The following PLIN2 variants were observed in gnomAD, a reference collection of about 807,000 sequenced individuals.
PLIN2 encodes perilipin-2.
PLIN2 carries 33 observed loss-of-function variants against 30.6 expected under a neutral mutation model. The ratio of observed to expected loss-of-function variants is 1.08; its 90% CI spans 0.82 to 1.44. PLIN2 has a LOEUF of 1.44. Ranked by LOEUF, PLIN2 falls within the 40% of genes most tolerant of loss-of-function variation. The pLI, the probability that PLIN2 is intolerant of heterozygous loss-of-function variation, is 0.00. For synonymous variants in PLIN2, 205 were observed against 201.1 expected, an observed-to-expected ratio of 1.02 and a Z score of -0.16; for missense variants, 610 against 531.8, an observed-to-expected ratio of 1.15 and a Z score of -1.45.
rs1818123464 is a variant in PLIN2, at chr9:19,108,771, T to C, written n.418-24A>G. On this transcript the variant is annotated intron_variant and non_coding_transcript_variant, in intron 2 of 2. Coordinates refer to the PLIN2 transcript ENST00000464326. ...ACCTGTAAAAGAAGAATCTTGGATATTGAAACAAACACCGATGAAGTGAGT... is the reference window on the plus strand; with the variant it reads ...ACCTGTAAAAGAAGAATCTTGGATACTGAAACAAACACCGATGAAGTGAGT... 1.3e-5 allele frequency: 2 copies of C among 152,630 alleles called. 1 individual carries two copies. Among genetic ancestry groups the C allele is most frequent in the Admixed American group, 1.3e-4 (2 of 15,258 alleles). The allele number at this position is 152,630 out of a possible 1,614,324, so 9.5% of individuals were successfully genotyped here.
rs1241586885 is a variant in PLIN2 at position 19,126,226 on chromosome 9, G to C, written c.114C>G (p.Asp38Glu). ...ACACAGACTTCAGGTAGGGATACTGGTCCTTTGTACTGAGATAGGCTGAGG... is the reference window on the plus strand; with the variant it reads ...ACACAGACTTCAGGTAGGGATACTGCTCCTTTGTACTGAGATAGGCTGAGG... ...LMSSAYLSTKDQYPYLKSVCE... is the reference protein window; with the variant it reads ...LMSSAYLSTKEQYPYLKSVCE... Residue 38 changes from aspartate to glutamate, a missense_variant, in exon 3 of 8, where the codon GAC becomes GAG. Physicochemically the swap from Asp to Glu is conservative, Grantham distance 45. Coordinates refer to ENST00000276914, the MANE Select transcript of PLIN2 (RefSeq NM_001122.4). 1.9e-6 allele frequency: 3 copies of C among 1,614,006 alleles called. No homozygotes were observed. Among genetic ancestry groups the C allele is most frequent in the Admixed American group, 3.3e-5 (2 of 60,000 alleles).
At chr9:19,126,065 T>C (rs1490012545) in intron 3 of PLIN2, 49 bp downstream of exon 3, 2 of 1,506,086 alleles carry the variant, frequency 1.3e-6, no homozygotes, top group Admixed American at 1.7e-5. Flanking sequence ...GCTCAGGGGC[T>C]CGCCACTGAC....
At chr9:19,116,723 G>A in intron 7 of PLIN2, 74 bp from the exon 8 acceptor site, 1 of 1,262,594 alleles carries the variant, frequency 7.9e-7, no homozygotes, top group Non-Finnish European at 1.1e-6. Context: ...CAGTAGGCTG[G>A]TTATGTGTCC....
At chr9:19,114,058 C>T (rs563213635), downstream of PLIN2, among the ~76,000 whole-genome samples, 3 of 151,824 alleles carry the variant, frequency 2.0e-5, no homozygotes, top group Admixed American at 2.0e-4. Context: ...GATTACAGGC[C>T]GTGAGCTACC....
At chr9:19,110,058 C>T (rs559520240) in intron 2 of PLIN2, among the ~76,000 whole-genome samples, 21 of 152,114 alleles carry the variant, frequency 1.4e-4, no homozygotes, top group African/African-American at 4.1e-4. Flanking sequence ...GAGTTTCACT[C>T]TCTCCCCCAG....
At chr9:19,117,765 G>A (rs946267468) in intron 7 of PLIN2, among the ~76,000 whole-genome samples, 4 of 151,770 alleles carry the variant, frequency 2.6e-5, no homozygotes, top group South Asian at 2.1e-4. Flanking sequence ...CTACAGGCAC[G>A]TGCCACCATG....
chr9:19,126,374 C>T lies in PLIN2; in HGVS notation c.30+23G>A, dbSNP rs151198176. 219 of 1,613,976 alleles carry T rather than the reference C, an allele frequency of 1.4e-4. No homozygotes were observed. The African/African-American group carries it at 2.6e-3, about 19-fold the overall frequency. ...AAAACACAAAAGGAGAGAAAGTAGA[C>T]AAAGGCTACTCAAAATTCATACCGG... On this transcript the variant is annotated intron_variant, in intron 2 of 7. Transcript: ENST00000276914.
chr9:19,110,609 GGT>G (rs1818147320), intron 2 of PLIN2, among the ~76,000 whole-genome samples: 3 of 151,796 alleles, frequency 2.0e-5, no homozygotes, highest in African/African-American at 4.8e-5. Flanking sequence ...CCAAGTACCT[GGT>G]ATTACAGGCG....
Position 19,116,058 on chromosome 9 carries a change from C to G in PLIN2, c.*190G>C, listed in dbSNP as rs1043299010. 1 of 502,528 alleles carries G rather than the reference C, an allele frequency of 2.0e-6. No individual in the cohort carries two copies. Among genetic ancestry groups the G allele is most frequent in the African/African-American group, 1.9e-5 (1 of 52,030 alleles). The allele number at this position is 502,528 out of a possible 1,614,324, so 31.1% of individuals were successfully genotyped here. On this transcript the variant is annotated 3_prime_UTR_variant, in exon 8 of 8. Transcript: ENST00000276914. ...TGACAAGCCTATCATTCTTTTCTTA[C>G]CAGGTGAACAGAAATCATCTGCTAA... is the stretch of plus-strand genomic sequence containing the variant.
chr9:19,117,298 C>T (rs1369677116), intron 7 of PLIN2, among the ~76,000 whole-genome samples: 2 of 151,994 alleles, frequency 1.3e-5, no homozygotes, highest in African/African-American at 4.8e-5. Flanking sequence ...GCAACTAGGA[C>T]TACAGGTGCA....
rs79453174 is a variant in PLIN2, at chr9:19,116,870, T to C, written c.913-221A>G. Among the ~76,000 whole-genome samples, 412 of 152,270 alleles carry C rather than the reference T, an allele frequency of 2.7e-3. 4 individuals are homozygous for C. The East Asian group carries it at 0.034, about 13-fold the overall frequency. ...CTTCAGTTAACAACTGGAAAACAGC[T>C]GGGTAGGGATTCGAACTAGTGCCTG... On this transcript the variant is annotated intron_variant, in intron 7 of 7. Transcript: ENST00000276914.
intron 3 of PLIN2, among the ~76,000 whole-genome samples, chr9:19,123,864 C>T (rs1312206000): frequency 6.6e-6 from 1 of 151,904 alleles, no homozygotes; most frequent in Non-Finnish European, 1.5e-5. Context: ...ACTAAAAATA[C>T]AAAAATTAGC....
At position 19,118,438 on chromosome 9, in the gene PLIN2, C is replaced by T. The variant is rs373365753; in HGVS notation, c.795G>A (p.Lys265=). 7.4e-6 allele frequency: 12 copies of T among 1,613,466 alleles called. No individual in the cohort carries two copies. In the East Asian group the frequency reaches 2.2e-4, roughly 30 times the overall value. The part of the protein sequence containing the change: ...STVHLIEFAR[K]NVYSANQKIQ... ...TTTTCTGATTGGCACTATACACATTCTTCCTGGCAAATTCAATCTAGACAC... is the reference window on the plus strand; with the variant it reads ...TTTTCTGATTGGCACTATACACATTTTTCCTGGCAAATTCAATCTAGACAC... The change falls in exon 7 of 8, where the codon AAG becomes AAA. Residue 265 remains lysine, a synonymous_variant. Coordinates refer to ENST00000276914, the MANE Select transcript of PLIN2 (RefSeq NM_001122.4).
At position 19,116,437 on chromosome 9, in the gene PLIN2, C is replaced by A; in HGVS notation, c.1125G>T (p.Lys375Asn). The A allele has an allele frequency of 6.2e-7, 1 of 1,614,154 alleles. No individual in the cohort carries two copies. The highest frequency in any genetic ancestry group is 8.5e-7 in the Non-Finnish European group (1 of 1,180,026). Reference protein sequence around the residue: ...EVSDSLLTSSKGQLQKMKESL... With the variant: ...EVSDSLLTSSNGQLQKMKESL... ...ATTCCTTCATTTTCTGCAGCTGCCC[C>A]TTGCTAGAAGTGAGGAGGCTGTCAG... The change falls in exon 8 of 8, where the codon AAG (lysine) becomes AAT (asparagine). Residue 375 changes from lysine (K) to asparagine (N), a missense_variant. Transcript: ENST00000276914.
chr9:19,117,863 C>T (rs151056170), intron 7 of PLIN2, among the ~76,000 whole-genome samples: 6,248 of 151,914 alleles, frequency 0.041, 183 homozygotes, highest in Non-Finnish European at 0.057. Context: ...GTGATCTACC[C>T]GCCTCGGCCT....
intron 4 of PLIN2, 171 bp downstream of exon 4, chr9:19,123,394 T>G: frequency 1.9e-6 from 3 of 1,551,564 alleles, no homozygotes; most frequent in Non-Finnish European, 2.6e-6. Context: ...TAGATACAAC[T>G]TGACAACAGT....
intron 7 of PLIN2, among the ~76,000 whole-genome samples, chr9:19,117,938 G>A (rs942977986): frequency 3.9e-5 from 6 of 152,152 alleles, no homozygotes; most frequent in East Asian, 1.9e-4. Context: ...TATTTATGCC[G>A]TTAAACAACA....
downstream of PLIN2, among the ~76,000 whole-genome samples, chr9:19,115,187 CAA>C (rs1260896694): frequency 1.3e-5 from 2 of 152,132 alleles, no homozygotes; most frequent in African/African-American, 2.4e-5. Flanking sequence ...AGTTGGCAAA[CAA>C]AGAGGGCCAA....
chr9:19,121,796 T>C (rs1428006824), intron 4 of PLIN2, among the ~76,000 whole-genome samples: 1 of 152,090 alleles, frequency 6.6e-6, no homozygotes, highest in Non-Finnish European at 1.5e-5. Context: ...TTGGGCGTGG[T>C]GGCACATGCC....
Sources: allele counts gnomAD v4.1 joint callset (sites outside exome capture counted in the v4.1 genomes callset), GRCh38; gene constraint gnomAD v4.1.1; transcripts MANE v1.5; gene names NCBI Gene and HGNC (gene_info 2026-07-23, HGNC 2026-07-21).